The following ASIC2 variants were observed in gnomAD, a reference collection of about 807,000 sequenced individuals.
ASIC2 encodes acid-sensing ion channel 2.
Under a neutral mutation model 57.3 loss-of-function variants are expected in ASIC2, and 25 were observed. The observed-to-expected ratio is 0.44, with a 90% confidence interval of 0.32 to 0.61. The LOEUF (loss-of-function observed/expected upper bound fraction) is 0.61. ASIC2 is among the 20% of genes least tolerant of loss of function. The pLI, the probability that ASIC2 is intolerant of heterozygous loss-of-function variation, is 0.06. For synonymous variants in ASIC2, 319 were observed against 307.5 expected (o/e 1.04, Z -0.39); for missense variants, 641 against 738.1 (o/e 0.87, Z 1.52).
chr17:33,726,856 T>C (rs1909577566), intron 1 of ASIC2, among the ~76,000 whole-genome samples: 1 of 152,180 alleles, frequency 6.6e-6, no homozygotes, highest in Admixed American at 6.5e-5. Context: ...TATAGACACC[T>C]CAGGGCAGAA....
intron 1 of ASIC2, among the ~76,000 whole-genome samples, chr17:33,377,339 C>G (rs1240075581): frequency 6.6e-6 from 1 of 152,228 alleles, no homozygotes; most frequent in Non-Finnish European, 1.5e-5. Flanking sequence ...GCGTGAGCCA[C>G]TGTGCCCAGC....
chr17:33,838,561 G>A (rs1283995412), intron 1 of ASIC2, among the ~76,000 whole-genome samples: 3 of 152,178 alleles, frequency 2.0e-5, no homozygotes, highest in Non-Finnish European at 2.9e-5. Context: ...CTTGAATCAG[G>A]AGTCAGGCTA....
chr17:33,612,170 C>G (rs1905432742), intron 1 of ASIC2, among the ~76,000 whole-genome samples: 1 of 152,204 alleles, frequency 6.6e-6, no homozygotes, highest in Admixed American at 6.5e-5. Context: ...GGGCAATCTG[C>G]TTTACTCAGT....
intron 1 of ASIC2, among the ~76,000 whole-genome samples, chr17:33,970,073 T>G (rs575107988): frequency 6.6e-6 from 1 of 152,276 alleles, no homozygotes; most frequent in South Asian, 2.1e-4. Flanking sequence ...TAGCAGTGTT[T>G]CTCAGTCTCT....
chr17:33,684,009 T>C (rs1908098116), intron 1 of ASIC2, among the ~76,000 whole-genome samples: 1 of 152,232 alleles, frequency 6.6e-6, no homozygotes, highest in South Asian at 2.1e-4. Flanking sequence ...ACAGTCAGCT[T>C]GATAGAAAAT....
intron 1 of ASIC2, among the ~76,000 whole-genome samples, chr17:33,274,997 C>T (rs907718788): frequency 6.6e-6 from 1 of 152,166 alleles, no homozygotes; most frequent in African/African-American, 2.4e-5. Context: ...CTCCCACTCC[C>T]CATGCCTCCT....
intron 1 of ASIC2, among the ~76,000 whole-genome samples, chr17:33,502,447 C>A (rs1914128264): frequency 6.6e-6 from 1 of 152,154 alleles, no homozygotes; most frequent in African/African-American, 2.4e-5. Context: ...GCATTTGGGG[C>A]ATAATAACCT....
chr17:33,659,290 T>G lies in ASIC2; in HGVS notation c.555+496688A>C, dbSNP rs1173276779. 2.6e-5 allele frequency among the ~76,000 whole-genome samples: 4 copies of G among 152,078 alleles called. No individual in the cohort carries two copies. The East Asian group carries it at 7.7e-4, about 29-fold the overall frequency. On this transcript the variant is annotated intron_variant, in intron 1 of 9. Coordinates refer to the ASIC2 transcript ENST00000359872. Reference sequence around the variant, plus strand: ...AACCCAACCCCTCCACTCCAGTTCCTTCTTAGTACAGTCCTGAGCCACTTA... The same window carrying G: ...AACCCAACCCCTCCACTCCAGTTCCGTCTTAGTACAGTCCTGAGCCACTTA...
Position 33,484,698 on chromosome 17 carries a change from G to A in ASIC2, c.556-372631C>T, listed in dbSNP as rs190999174. On this transcript the variant is annotated intron_variant, in intron 1 of 9. Transcript: ENST00000359872. Reference sequence around the variant, plus strand: ...ACTCTGGAAGTGGGGCTTGGACACCGGACCAAATTGAGGACTAGCTAAGGC... The same window carrying A: ...ACTCTGGAAGTGGGGCTTGGACACCAGACCAAATTGAGGACTAGCTAAGGC... Among the ~76,000 whole-genome samples the A allele has an allele frequency of 4.8e-3, 728 of 152,284 alleles. 5 individuals are homozygous for A. Among genetic ancestry groups the A allele is most frequent in the African/African-American group, 0.015 (635 of 41,544 alleles).
chr17:33,063,505 C>CT (rs569879254), intron 3 of ASIC2, among the ~76,000 whole-genome samples: 2,399 of 152,270 alleles, frequency 0.016, 52 homozygotes, highest in African/African-American at 0.053. Flanking sequence ...TCTCTTCTGG[C>CT]TTGTAGAGTT....
intron 1 of ASIC2, chr17:34,072,462 G>C (rs1909450765): frequency 6.6e-6 from 1 of 152,170 alleles, no homozygotes; most frequent in Admixed American, 6.5e-5. Context: ...GTTAGAACGT[G>C]GCAAAGCCAG....
chr17:33,664,698 C>A (rs1907413396), intron 1 of ASIC2, among the ~76,000 whole-genome samples: 1 of 152,212 alleles, frequency 6.6e-6, no homozygotes, highest in South Asian at 2.1e-4. Context: ...CCCCCCTCTT[C>A]TTTAACTTGC....
At chr17:33,837,210 C>G (rs922911284) in intron 1 of ASIC2, among the ~76,000 whole-genome samples, 6 of 152,200 alleles carry the variant, frequency 3.9e-5, no homozygotes, top group Non-Finnish European at 5.9e-5. Flanking sequence ...TCAAGGGCTG[C>G]TGCCCAGATC....
Position 33,799,385 on chromosome 17 carries a change from T to C in ASIC2, c.555+356593A>G, listed in dbSNP as rs866507784. Among the ~76,000 whole-genome samples, 95 of 27,402 alleles carry C rather than the reference T, an allele frequency of 3.5e-3. 1 individual carries two copies. Among genetic ancestry groups the C allele is most frequent in the South Asian group, 0.013 (23 of 1,710 alleles). The allele number at this position is 27,402 out of a possible 152,430, so 18.0% of individuals were successfully genotyped here. A position where few individuals can be genotyped will look rare whatever the true frequency, so the allele number is the denominator to read the frequency against. The stretch of plus-strand genomic sequence containing the variant: ...TTCTTTCTTTCTTTCTTCCTTTCTT[T>C]CTTTCTTTCTTTCTTTCTTTTCTTT... On this transcript the variant is annotated intron_variant, in intron 1 of 9. Coordinates refer to the ASIC2 transcript ENST00000359872.
chr17:34,135,418 C>T (rs1387409991), intron 1 of ASIC2, among the ~76,000 whole-genome samples: 1 of 152,234 alleles, frequency 6.6e-6, no homozygotes, highest in South Asian at 2.1e-4. Flanking sequence ...GCTTCCAACT[C>T]TCCAGACTGC....
intron 1 of ASIC2, among the ~76,000 whole-genome samples, chr17:33,287,727 T>C (rs1286447105): frequency 6.6e-6 from 1 of 152,142 alleles, no homozygotes; most frequent in African/African-American, 2.4e-5. Flanking sequence ...TGGGACTAAC[T>C]GGCTGAAATG....
At chr17:33,953,245 A>G (rs1445770229) in intron 1 of ASIC2, among the ~76,000 whole-genome samples, 1 of 152,212 alleles carries the variant, frequency 6.6e-6, no homozygotes, top group African/African-American at 2.4e-5. Flanking sequence ...CACATTTTCT[A>G]CAATGAGCAC....
At chr17:33,923,349 A>G (rs1325368742) in intron 1 of ASIC2, among the ~76,000 whole-genome samples, 3 of 152,208 alleles carry the variant, frequency 2.0e-5, no homozygotes, top group African/African-American at 7.2e-5. Context: ...ACCCAACCAC[A>G]TTTATATGAA....
At position 33,876,345 on chromosome 17, in the gene ASIC2, G is replaced by T. The variant is rs114637205; in HGVS notation, c.555+279633C>A. ...GACTCTCCAGACCTTGTTACTGTGGGTGCCTAGGATACCTGGTCACTTGGT... is the reference window on the plus strand; with the variant it reads ...GACTCTCCAGACCTTGTTACTGTGGTTGCCTAGGATACCTGGTCACTTGGT... On this transcript the variant is annotated intron_variant, in intron 1 of 9. Coordinates refer to the ASIC2 transcript ENST00000359872. 2.2e-3 allele frequency among the ~76,000 whole-genome samples: 341 copies of T among 152,308 alleles called. 2 individuals carry two copies. Among genetic ancestry groups the T allele is most frequent in the African/African-American group, 8.0e-3 (331 of 41,560 alleles).
Sources: allele counts gnomAD v4.1 joint callset (sites outside exome capture counted in the v4.1 genomes callset), GRCh38; gene constraint gnomAD v4.1.1; transcripts MANE v1.5; gene names NCBI Gene and HGNC (gene_info 2026-07-23, HGNC 2026-07-21).